Variants in VAPB observed in about 807,000 individuals in gnomAD.
The protein encoded by VAPB is vesicle-associated membrane protein-associated protein B/C.
VAPB carries 7 observed loss-of-function variants against 25.6 expected under a neutral mutation model. That is an observed-to-expected ratio of 0.27 (90% CI 0.16 to 0.51). The LOEUF (loss-of-function observed/expected upper bound fraction) is 0.51, where lower values mean the gene tolerates loss of function less well. Ranked by LOEUF, VAPB falls within the 20% of genes least tolerant of loss-of-function variation. The probability of loss-of-function intolerance (pLI) is 0.97; values close to 1 mark genes in which losing one functional copy is unlikely to be tolerated. For synonymous variants in VAPB, 112 were observed against 109.2 expected (o/e 1.03, Z -0.16); for missense variants, 266 against 301.3 (o/e 0.88, Z 0.87).
At chr20:58,411,287 T>G (rs1988371945) in intron 1 of VAPB, among the ~76,000 whole-genome samples, 1 of 152,224 alleles carries the variant, frequency 6.6e-6, no homozygotes, top group Non-Finnish European at 1.5e-5. Flanking sequence ...ATCTTTTCTA[T>G]TTTTGTTTTT....
Position 58,446,272 on chromosome 20 carries a change from C to A in VAPB, c.*2037C>A, listed in dbSNP as rs1175907970. 1 of 454,064 alleles carries A rather than the reference C, an allele frequency of 2.2e-6. No individual in the cohort carries two copies. Among genetic ancestry groups the A allele is most frequent in the East Asian group, 6.9e-5 (1 of 14,390 alleles). 28.1% of individuals were successfully genotyped at this position (454,064 alleles called of 1,614,324 possible). ...GAGCTGTAAGGCATGTGCCTTCTGCCACCTGACTTTCCGTGAGGGGACTAA... is the reference window on the plus strand; with the variant it reads ...GAGCTGTAAGGCATGTGCCTTCTGCAACCTGACTTTCCGTGAGGGGACTAA... On this transcript the variant is annotated 3_prime_UTR_variant, in exon 6 of 6. Transcript: ENST00000475243.
intron 2 of VAPB, among the ~76,000 whole-genome samples, chr20:58,420,998 C>T (rs760991638): frequency 3.3e-5 from 5 of 152,140 alleles, no homozygotes; most frequent in Non-Finnish European, 5.9e-5. Context: ...GGATACCAGT[C>T]GACAGGCAGT....
chr20:58,404,019 A>G (rs1015184323), intron 1 of VAPB, among the ~76,000 whole-genome samples: 6 of 152,118 alleles, frequency 3.9e-5, no homozygotes. Context: ...ATTCTATCGT[A>G]TCCTAAGTAT....
At chr20:58,392,460 A>G (rs184270094) in intron 1 of VAPB, among the ~76,000 whole-genome samples, 2 of 152,318 alleles carry the variant, frequency 1.3e-5, no homozygotes, top group East Asian at 1.9e-4. Context: ...ACTTTAGAAG[A>G]GACATCTGTG....
rs1240639100 is a variant in VAPB at position 58,449,169 on chromosome 20, C to T, written c.*4934C>T. 2.2e-6 allele frequency: 1 copy of T among 454,022 alleles called. No homozygotes were observed. Among genetic ancestry groups the T allele is most frequent in the African/African-American group, 2.0e-5 (1 of 50,016 alleles). 28.1% of individuals were successfully genotyped at this position (454,022 alleles called of 1,614,324 possible). A position where few individuals can be genotyped will look rare whatever the true frequency, so the allele number is the denominator to read the frequency against. ...CTGCCCCCAGCTTCACAGACCTCTTCCTCCAGCCTCTGAATCCCATTAGCC... is the reference window on the plus strand; with the variant it reads ...CTGCCCCCAGCTTCACAGACCTCTTTCTCCAGCCTCTGAATCCCATTAGCC... On this transcript the variant is annotated 3_prime_UTR_variant, in exon 6 of 6. Coordinates refer to ENST00000475243, the MANE Select transcript of VAPB (RefSeq NM_004738.5).
chr20:58,448,612 G>A lies in VAPB; in HGVS notation c.*4377G>A. On this transcript the variant is annotated 3_prime_UTR_variant, in exon 6 of 6. Transcript: ENST00000475243. ...TTCAGCTCTGAAAATCTGCTTCAGG[G>A]AAGTGAGTGGATGAGGCCTTCCTGC... 1 of 454,120 alleles carries A rather than the reference G, an allele frequency of 2.2e-6. No homozygotes were observed. Among genetic ancestry groups the A allele is most frequent in the Non-Finnish European group, 4.4e-6 (1 of 226,776 alleles). The allele number at this position is 454,120 out of a possible 1,614,324, so 28.1% of individuals were successfully genotyped here.
At chr20:58,428,146 G>A (rs974518413) in intron 2 of VAPB, among the ~76,000 whole-genome samples, 1 of 152,240 alleles carries the variant, frequency 6.6e-6, no homozygotes, top group African/African-American at 2.4e-5. Flanking sequence ...CGTATCTTCT[G>A]TGTTTCTTCT....
chr20:58,441,787 G>A (rs1053602853), intron 5 of VAPB, among the ~76,000 whole-genome samples: 4 of 152,184 alleles, frequency 2.6e-5, no homozygotes, highest in African/African-American at 9.7e-5. Context: ...AGTGAATACT[G>A]ACCTATACTC....
At position 58,447,138 on chromosome 20, in the gene VAPB, T is replaced by C. The variant is rs539085997; in HGVS notation, c.*2903T>C. ...CACCTCAGAGAGGGCGGCCCTGGCT[T>C]CAGAAATGCCAGCCATAGTGCTCAC... On this transcript the variant is annotated 3_prime_UTR_variant, in exon 6 of 6. Transcript: ENST00000475243. 7.3e-5 allele frequency: 33 copies of C among 454,116 alleles called. No homozygotes were observed. Among genetic ancestry groups the C allele is most frequent in the African/African-American group, 6.4e-4 (32 of 50,132 alleles). 28.1% of individuals were successfully genotyped at this position (454,116 alleles called of 1,614,324 possible).
chr20:58,418,123 C>G (rs1258496500), intron 1 of VAPB, 88 bp from the exon 2 acceptor site: 18 of 1,563,356 alleles, frequency 1.2e-5, no homozygotes, highest in Non-Finnish European at 1.5e-5. Context: ...CTCAAATCTT[C>G]CCTTAACTAT....
chr20:58,450,535 C>T lies in VAPB; in HGVS notation c.*6300C>T, dbSNP rs993229183. ...TTTAAAGACGATTTATCAACTGCTG[C>T]CATTTGGAACTTCCTATAAGAAACT... On this transcript the variant is annotated 3_prime_UTR_variant, in exon 6 of 6. Coordinates refer to ENST00000475243, the MANE Select transcript of VAPB (RefSeq NM_004738.5). 17 of 453,742 alleles carry T rather than the reference C, an allele frequency of 3.7e-5. No homozygotes were observed. The Admixed American group carries it at 4.0e-4, about 11-fold the overall frequency. 28.1% of individuals were successfully genotyped at this position (453,742 alleles called of 1,614,324 possible). A position where few individuals can be genotyped will look rare whatever the true frequency, so the allele number is the denominator to read the frequency against.
intron 2 of VAPB, among the ~76,000 whole-genome samples, chr20:58,420,523 C>T (rs939904728): frequency 2.0e-5 from 3 of 152,126 alleles, no homozygotes; most frequent in African/African-American, 4.8e-5. Context: ...GGCTCCTGAT[C>T]CAGTGCTCTT....
Position 58,446,854 on chromosome 20 carries a change from T to G in VAPB, c.*2619T>G, listed in dbSNP as rs2123109860. The G allele has an allele frequency of 2.2e-6, 1 of 454,056 alleles. No homozygotes were observed. The highest frequency in any genetic ancestry group is 4.4e-6 in the Non-Finnish European group (1 of 226,758). The allele number at this position is 454,056 out of a possible 1,614,324, so 28.1% of individuals were successfully genotyped here. ...AAGAATGTGGAGCACGCGTGGCTCC[T>G]GGAGGACTTGGAGATGCATGCACAT... On this transcript the variant is annotated 3_prime_UTR_variant, in exon 6 of 6. Coordinates refer to ENST00000475243, the MANE Select transcript of VAPB (RefSeq NM_004738.5).
At chr20:58,422,605 ATT>A (rs768230345) in intron 2 of VAPB, among the ~76,000 whole-genome samples, 16 of 138,512 alleles carry the variant, frequency 1.2e-4, no homozygotes, top group South Asian at 2.3e-4. Flanking sequence ...GTGGTTGTGG[ATT>A]TTTTTTTTTT....
chr20:58,404,454 G>A (rs1988178234), intron 1 of VAPB, among the ~76,000 whole-genome samples: 1 of 152,216 alleles, frequency 6.6e-6, no homozygotes, highest in Non-Finnish European at 1.5e-5. Flanking sequence ...TCAGTGATCA[G>A]TTCCCTGTGC....
chr20:58,443,790 C>T (rs536988212), intron 5 of VAPB, among the ~76,000 whole-genome samples: 1 of 152,106 alleles, frequency 6.6e-6, no homozygotes, highest in South Asian at 2.1e-4. Flanking sequence ...CTTTTAAGTG[C>T]TTTTTTCTGT....
chr20:58,438,807 GCAGA>G, intron 3 of VAPB, 134 bp from the exon 4 acceptor site: 1 of 697,374 alleles, frequency 1.4e-6, no homozygotes, highest in Non-Finnish European at 2.5e-6. Context: ...TGAAATCTCA[GCAGA>G]CTTCAGTTCT....
intron 3 of VAPB, 132 bp from the exon 4 acceptor site, chr20:58,438,812 CT>C: frequency 1.4e-6 from 1 of 720,678 alleles, no homozygotes; most frequent in Non-Finnish European, 2.4e-6. Context: ...TCTCAGCAGA[CT>C]TCAGTTCTTT....
intron 2 of VAPB, among the ~76,000 whole-genome samples, chr20:58,433,941 C>T (rs1180116866): frequency 6.6e-6 from 1 of 152,122 alleles, no homozygotes; most frequent in Admixed American, 6.5e-5. Context: ...CTGAAGGGAG[C>T]CACTTGGGGT....
Sources: gnomAD v4.1 joint callset for allele counts (sites outside exome capture counted in the v4.1 genomes callset) on GRCh38, gnomAD v4.1.1 for gene constraint, MANE v1.5 for transcripts, NCBI Gene and HGNC (gene_info 2026-07-23, HGNC 2026-07-21) for gene names.